Variants in SUCLG2 observed in about 807,000 individuals in gnomAD.
SUCLG2 encodes the protein succinate--CoA ligase [GDP-forming] subunit beta, mitochondrial.
In SUCLG2, 42 loss-of-function variants were observed where a neutral mutation model predicts 47.9. The ratio of observed to expected loss-of-function variants is 0.88; its 90% CI spans 0.69 to 1.14. The LOEUF (loss-of-function observed/expected upper bound fraction) is 1.14. Ranked by LOEUF, SUCLG2 falls within the 50% of genes most tolerant of loss-of-function variation. SUCLG2 has a pLI of 0.00. For missense variants in SUCLG2, 571 were observed against 525.9 expected (o/e 1.09, Z -0.84); for synonymous variants, 195 against 197.3 (o/e 0.99, Z 0.10).
intron 9 of SUCLG2, among the ~76,000 whole-genome samples, chr3:67,422,230 TAAG>T (rs1206348393): frequency 6.6e-6 from 1 of 151,016 alleles, no homozygotes; most frequent in Non-Finnish European, 1.5e-5. Flanking sequence ...TCCCAGCACT[TAAG>T]GAGGCTGAGG....
intron 9 of SUCLG2, among the ~76,000 whole-genome samples, chr3:67,403,781 T>C (rs1458602553): frequency 2.0e-5 from 3 of 152,294 alleles, no homozygotes; most frequent in Non-Finnish European, 2.9e-5. Flanking sequence ...GAGGAACTAA[T>C]GGTTGAATGG....
At chr3:67,462,075 C>G (rs1373859636) in intron 9 of SUCLG2, among the ~76,000 whole-genome samples, 1 of 151,958 alleles carries the variant, frequency 6.6e-6, no homozygotes, top group Admixed American at 6.6e-5. Context: ...GTCCACAGTT[C>G]CTAGCTCATA....
At chr3:67,475,294 T>C (rs1238921599) in intron 9 of SUCLG2, among the ~76,000 whole-genome samples, 3 of 152,064 alleles carry the variant, frequency 2.0e-5, no homozygotes, top group Non-Finnish European at 2.9e-5. Flanking sequence ...CCAAAGAAAA[T>C]GTTTTTCATT....
At position 67,610,520 on chromosome 3, in the gene SUCLG2, A is replaced by G. The variant is rs1700509519; in HGVS notation, c.85-924T>C. The stretch of plus-strand genomic sequence containing the variant: ...TTTTTAAAAGAAGGAAAAAAAAAAA[A>G]AACCAGGAAAAATGAATACACTTAA... On this transcript the variant is annotated intron_variant, in intron 1 of 10. Coordinates refer to ENST00000307227, the MANE Select transcript of SUCLG2 (RefSeq NM_003848.4). Among the ~76,000 whole-genome samples, 4 of 152,304 alleles carry G rather than the reference A, an allele frequency of 2.6e-5. No homozygotes were observed. The South Asian group carries it at 8.3e-4, about 32-fold the overall frequency.
chr3:67,509,379 A>G (rs1356807027), intron 6 of SUCLG2, among the ~76,000 whole-genome samples: 1 of 152,226 alleles, frequency 6.6e-6, no homozygotes, highest in Non-Finnish European at 1.5e-5. Context: ...TCTAATGAAA[A>G]TTGTTGCAAA....
chr3:67,501,054 C>G (rs1227614733), intron 7 of SUCLG2, among the ~76,000 whole-genome samples: 1 of 152,118 alleles, frequency 6.6e-6, no homozygotes, highest in Non-Finnish European at 1.5e-5. Context: ...GCAGTTAACC[C>G]AGAGCTTCAA....
At chr3:67,396,784 G>C (rs1702541209) in intron 10 of SUCLG2, among the ~76,000 whole-genome samples, 2 of 152,134 alleles carry the variant, frequency 1.3e-5, no homozygotes, top group South Asian at 4.1e-4. Context: ...TAAAATACTG[G>C]CAAACCGAAT....
intron 10 of SUCLG2, among the ~76,000 whole-genome samples, chr3:67,397,278 C>A (rs533323138): frequency 6.6e-6 from 1 of 152,082 alleles, no homozygotes; most frequent in Non-Finnish European, 1.5e-5. Flanking sequence ...AAAACCCCAT[C>A]GTCTCAGCCC....
Position 67,487,104 on chromosome 3 carries a change from A to C in SUCLG2, c.1062+8694T>G, listed in dbSNP as rs542251230. Among the ~76,000 whole-genome samples, 11 of 152,248 alleles carry C rather than the reference A, an allele frequency of 7.2e-5. No individual in the cohort carries two copies. In the East Asian group the frequency reaches 2.1e-3, roughly 29 times the overall value. On this transcript the variant is annotated intron_variant, in intron 9 of 10. Coordinates refer to ENST00000307227, the MANE Select transcript of SUCLG2 (RefSeq NM_003848.4). ...AAAAGCATTCCTTGGAAATAAAAAG[A>C]ATCTTATTAATAACTAGAGGAACAT...
intron 2 of SUCLG2, among the ~76,000 whole-genome samples, chr3:67,533,784 A>G (rs1559561163): frequency 6.6e-6 from 1 of 152,176 alleles, no homozygotes; most frequent in South Asian, 2.1e-4. Context: ...AGAATGACAC[A>G]TATTTCCTCA....
In SUCLG2 at chr3:67,532,664, ATTTACATATAT is replaced by A. The variant is rs534772501; in HGVS notation, c.227-3489_227-3479del. Among the ~76,000 whole-genome samples, 215 of 152,298 alleles carry A rather than the reference ATTTACATATAT, an allele frequency of 1.4e-3. 1 individual carries two copies. The highest frequency in any genetic ancestry group is 2.7e-3 in the Admixed American group (42 of 15,296). On this transcript the variant is annotated intron_variant, in intron 2 of 10. Transcript: ENST00000307227. ...GTTTAATAGGAACCAGTTTATTAGA[ATTTACATATAT>A]TTTAGTAGAAAACACTGTAAGACAT...
chr3:67,375,986 T>C, intron 10 of SUCLG2, 127 bp from the exon 11 acceptor site: 1 of 1,401,184 alleles, frequency 7.1e-7, no homozygotes, highest in Non-Finnish European at 9.3e-7. Flanking sequence ...ATATAGGTTC[T>C]CATCAAGGTC....
chr3:67,519,145 T>TGGGTCCCCCGGTTTTCTCC (rs1448683196), intron 5 of SUCLG2, among the ~76,000 whole-genome samples: 1 of 152,146 alleles, frequency 6.6e-6, no homozygotes, highest in Non-Finnish European at 1.5e-5. Context: ...AGGTTTTCTC[T>TGGGTCCCCCGGTTTTCTCC]GGGTCCCCCG....
chr3:67,569,035 G>A (rs1397935204), intron 2 of SUCLG2, among the ~76,000 whole-genome samples: 7 of 152,152 alleles, frequency 4.6e-5, no homozygotes, highest in Admixed American at 4.6e-4. Context: ...ATTTAGGAAC[G>A]ATGATTGTAC....
chr3:67,504,218 T>C (rs1705577697), intron 7 of SUCLG2, among the ~76,000 whole-genome samples: 1 of 140,334 alleles, frequency 7.1e-6, no homozygotes, highest in Non-Finnish European at 1.5e-5. Flanking sequence ...TTTTTTTTAG[T>C]GGCTGTGAAA....
Position 67,498,301 on chromosome 3 carries a change from T to C in SUCLG2, c.758-6A>G, listed in dbSNP as rs771842329. On this transcript the variant is annotated splice_region_variant and splice_polypyrimidine_tract_variant and intron_variant, in intron 7 of 10. Transcript: ENST00000307227. ...CTTGGCATCAAAACAGACAACTAAATAAAGAAGAAAACAATCATACTTGAA... is the reference window on the plus strand; with the variant it reads ...CTTGGCATCAAAACAGACAACTAAACAAAGAAGAAAACAATCATACTTGAA... The C allele has an allele frequency of 3.1e-6, 5 of 1,608,352 alleles. No individual in the cohort carries two copies. The African/African-American group carries it at 5.5e-5, about 18-fold the overall frequency.
chr3:67,549,768 A>G lies in SUCLG2; in HGVS notation c.227-20582T>C, dbSNP rs1706963151. Among the ~76,000 whole-genome samples the G allele has an allele frequency of 2.0e-5, 3 of 152,214 alleles. No homozygotes were observed. In the South Asian group the frequency reaches 6.2e-4, roughly 32 times the overall value. Reference sequence around the variant, plus strand: ...TAAATATATGTACATATACAAATCTATAACTGAGGATAAATCTGGAATGAA... The same window carrying G: ...TAAATATATGTACATATACAAATCTGTAACTGAGGATAAATCTGGAATGAA... On this transcript the variant is annotated intron_variant, in intron 2 of 10. Coordinates refer to ENST00000307227, the MANE Select transcript of SUCLG2 (RefSeq NM_003848.4).
intron 1 of SUCLG2, among the ~76,000 whole-genome samples, chr3:67,610,181 C>G (rs148752484): frequency 2.0e-5 from 3 of 152,282 alleles, no homozygotes. Flanking sequence ...CAGACTAATT[C>G]ATTTCTTTAC....
At chr3:67,637,786 C>T (rs922989670) in intron 1 of SUCLG2, among the ~76,000 whole-genome samples, 1 of 152,164 alleles carries the variant, frequency 6.6e-6, no homozygotes, top group African/African-American at 2.4e-5. Context: ...AGGGAGCATC[C>T]ATGCCAGTAA....
Sources: allele counts gnomAD v4.1 joint callset (sites outside exome capture counted in the v4.1 genomes callset), GRCh38; gene constraint gnomAD v4.1.1; transcripts MANE v1.5; gene names NCBI Gene and HGNC (gene_info 2026-07-23, HGNC 2026-07-21).